Variants in YAP1 observed in about 807,000 individuals in gnomAD.
YAP1 encodes transcriptional coactivator YAP1.
A neutral mutation model predicts 56.9 loss-of-function variants in YAP1; 5 were observed. That is an observed-to-expected ratio of 0.09 (90% CI 0.05 to 0.18). The LOEUF is 0.18. Ranked by LOEUF, YAP1 falls within the 10% of genes least tolerant of loss-of-function variation. YAP1 has a pLI of 1.00. For synonymous variants in YAP1, 265 were observed against 248.1 expected (o/e 1.07, Z -0.64); for missense variants, 539 against 651.8 (o/e 0.83, Z 1.88).
chr11:102,162,703 C>T (rs1946362789), intron 3 of YAP1, 132 bp downstream of exon 3: 2 of 836,074 alleles, frequency 2.4e-6, no homozygotes, highest in African/African-American at 3.4e-5. Flanking sequence ...CAGTTTCATA[C>T]AGAAGACATA....
intron 3 of YAP1, among the ~76,000 whole-genome samples, chr11:102,177,750 C>T (rs901549083): frequency 2.0e-5 from 3 of 151,530 alleles, no homozygotes; most frequent in Non-Finnish European, 4.4e-5. Context: ...AGAAACCCCA[C>T]TCAAAATATG....
At chr11:102,155,794 T>C (rs1419423760) in intron 2 of YAP1, among the ~76,000 whole-genome samples, 1 of 152,222 alleles carries the variant, frequency 6.6e-6, no homozygotes, top group Non-Finnish European at 1.5e-5. Context: ...ACCATAAATA[T>C]ACAGTGAATG....
intron 2 of YAP1, among the ~76,000 whole-genome samples, chr11:102,128,494 A>C (rs1944173772): frequency 6.6e-6 from 1 of 152,202 alleles, no homozygotes; most frequent in African/African-American, 2.4e-5. Flanking sequence ...GAACTGTTTA[A>C]GTCCAATTAA....
chr11:102,113,656 G>A (rs1943103588), intron 1 of YAP1, among the ~76,000 whole-genome samples: 2 of 152,030 alleles, frequency 1.3e-5, no homozygotes, highest in African/African-American at 4.8e-5. Flanking sequence ...TTTTATCATG[G>A]TTGGAATAAA....
chr11:102,148,349 A>T (rs188049543), intron 2 of YAP1, among the ~76,000 whole-genome samples: 47 of 152,292 alleles, frequency 3.1e-4, no homozygotes, highest in Non-Finnish European at 2.9e-4. Flanking sequence ...CATTTATGAC[A>T]CTTGTGTTTC....
intron 2 of YAP1, among the ~76,000 whole-genome samples, chr11:102,148,466 G>T (rs953414876): frequency 6.6e-6 from 1 of 152,114 alleles, no homozygotes; most frequent in Non-Finnish European, 1.5e-5. Flanking sequence ...TTTAGTGGTG[G>T]TTCACTCAGT....
At chr11:102,182,925 A>T (rs976561444) in intron 3 of YAP1, among the ~76,000 whole-genome samples, 1 of 152,240 alleles carries the variant, frequency 6.6e-6, no homozygotes, top group East Asian at 1.9e-4. Context: ...TATAGGTTCT[A>T]CATGATTTTA....
chr11:102,144,653 A>G (rs1328173629), intron 2 of YAP1, among the ~76,000 whole-genome samples: 1 of 152,134 alleles, frequency 6.6e-6, no homozygotes, highest in Non-Finnish European at 1.5e-5. Flanking sequence ...TTGATATGGC[A>G]TCTCATTTCT....
At chr11:102,117,206 A>G (rs894611269) in intron 2 of YAP1, among the ~76,000 whole-genome samples, 1 of 152,090 alleles carries the variant, frequency 6.6e-6, no homozygotes, top group African/African-American at 2.4e-5. Context: ...CCTAGTTTTG[A>G]TGTTTTAAAA....
intron 6 of YAP1, among the ~76,000 whole-genome samples, chr11:102,216,703 A>G (rs896898055): frequency 7.2e-5 from 11 of 152,164 alleles, no homozygotes; most frequent in African/African-American, 2.7e-4. Flanking sequence ...GGATTATTTT[A>G]TCCTGAACAC....
intron 1 of YAP1, among the ~76,000 whole-genome samples, chr11:102,113,707 AAATT>A (rs1269583248): frequency 1.3e-5 from 2 of 152,208 alleles, no homozygotes; most frequent in African/African-American, 2.4e-5. Context: ...CCTAGAAAAA[AAATT>A]AATTACTTAA....
intron 3 of YAP1, among the ~76,000 whole-genome samples, chr11:102,164,008 C>G (rs1487128843): frequency 6.6e-6 from 1 of 151,056 alleles, no homozygotes; most frequent in East Asian, 1.9e-4. Context: ...CTCAGAATCT[C>G]TTTTATATGT....
chr11:102,161,625 G>C (rs1946297369), intron 2 of YAP1, among the ~76,000 whole-genome samples: 1 of 151,932 alleles, frequency 6.6e-6, no homozygotes, highest in Admixed American at 6.6e-5. Flanking sequence ...ATTACTTCTG[G>C]CTATTAATGC....
chr11:102,217,103 T>C (rs1949705517), intron 6 of YAP1, among the ~76,000 whole-genome samples: 1 of 152,194 alleles, frequency 6.6e-6, no homozygotes, highest in South Asian at 2.1e-4. Context: ...GCCTGCTTTA[T>C]TTAGTGGACT....
Position 102,178,469 on chromosome 11 carries a change from T to A in YAP1, c.689-7549T>A, listed in dbSNP as rs942295645. The stretch of plus-strand genomic sequence containing the variant: ...GAATAGACATGGCAAATGGTTTTAG[T>A]TAGTCATTACTAATGCAAGAGGGTC... On this transcript the variant is annotated intron_variant, in intron 3 of 8. Transcript: ENST00000282441. Among the ~76,000 whole-genome samples, 8 of 152,170 alleles carry A rather than the reference T, an allele frequency of 5.3e-5. 1 individual carries two copies. The highest frequency in any genetic ancestry group is 1.5e-5 in the Non-Finnish European group (1 of 68,026).
chr11:102,185,723 TAA>T lies in YAP1; in HGVS notation c.689-294_689-293del, dbSNP rs569982102. On this transcript the variant is annotated intron_variant, in intron 3 of 8. Transcript: ENST00000282441. The stretch of plus-strand genomic sequence containing the variant: ...CTGCAAGCTCTTCCGTGTCTTATGT[TAA>T]CAGTAATAGTAATTATTTGGGCCAT... Among the ~76,000 whole-genome samples the T allele has an allele frequency of 3.8e-3, 586 of 152,318 alleles. 3 individuals carry two copies. The highest frequency in any genetic ancestry group is 0.014 in the African/African-American group (568 of 41,562).
chr11:102,125,619 T>A (rs1943989781), intron 2 of YAP1, among the ~76,000 whole-genome samples: 1 of 152,036 alleles, frequency 6.6e-6, no homozygotes, highest in African/African-American at 2.4e-5. Context: ...CCTCAAGTGA[T>A]CCGCCTACCT....
intron 7 of YAP1, among the ~76,000 whole-genome samples, chr11:102,225,182 TA>T (rs5794160): frequency 2.5e-4 from 37 of 146,980 alleles, no homozygotes; most frequent in Admixed American, 4.1e-4. Context: ...TTTTTTTCTT[TA>T]AAAAAAAAAA....
At position 102,139,228 on chromosome 11, in the gene YAP1, TAAAAA is replaced by T. The variant is rs11300137; in HGVS notation, c.573-23219_573-23215del. 2.1e-3 allele frequency among the ~76,000 whole-genome samples: 312 copies of T among 147,564 alleles called. 2 individuals carry two copies. Among genetic ancestry groups the T allele is most frequent in the African/African-American group, 7.5e-3 (298 of 39,860 alleles). On this transcript the variant is annotated intron_variant, in intron 2 of 8. Coordinates refer to ENST00000282441, the MANE Select transcript of YAP1 (RefSeq NM_001130145.3). ...GATATTCCTAGTTGTTCTCTTGACT[TAAAAA>T]AAAAAAAAGTCCATGGTGACTCCTC...
Sources: allele counts gnomAD v4.1 joint callset (sites outside exome capture counted in the v4.1 genomes callset), GRCh38; gene constraint gnomAD v4.1.1; transcripts MANE v1.5; gene names NCBI Gene and HGNC (gene_info 2026-07-23, HGNC 2026-07-21).